ESRRG: variants seen among roughly 807,000 people sequenced by gnomAD.
ESRRG encodes the protein estrogen-related receptor gamma.
ESRRG carries 13 observed loss-of-function variants against 44.0 expected under a neutral mutation model. That is an observed-to-expected ratio of 0.30 (90% CI 0.19 to 0.47). The LOEUF is 0.47. Ranked by LOEUF, ESRRG falls within the 20% of genes least tolerant of loss-of-function variation. ESRRG has a pLI of 1.00. For missense variants in ESRRG, 395 were observed against 580.6 expected (o/e 0.68, Z 3.29); for synonymous variants, 215 against 214.6 (o/e 1.00, Z -0.02).
At chr1:217,130,627 T>C in intron 1 of ESRRG, among the ~76,000 whole-genome samples, 2 of 152,292 alleles carry the variant, frequency 1.3e-5, no homozygotes, top group Middle Eastern at 6.8e-3. Flanking sequence ...TTAATGAATA[T>C]GTGTAGGAGT....
chr1:216,859,098 A>G (rs1387030217), intron 2 of ESRRG, among the ~76,000 whole-genome samples: 2 of 152,224 alleles, frequency 1.3e-5, no homozygotes. Flanking sequence ...TAAAATAAGC[A>G]TAAAATAGGA....
intron 2 of ESRRG, among the ~76,000 whole-genome samples, chr1:216,731,049 T>C (rs1232032821): frequency 6.6e-6 from 1 of 152,238 alleles, no homozygotes; most frequent in Non-Finnish European, 1.5e-5. Context: ...TACCTAAAAC[T>C]GTGACCCTTC....
At chr1:216,615,160 A>G (rs2061244551) in intron 3 of ESRRG, among the ~76,000 whole-genome samples, 1 of 152,172 alleles carries the variant, frequency 6.6e-6, no homozygotes, top group Non-Finnish European at 1.5e-5. Context: ...ATTTCAGAAC[A>G]GGCATTGACT....
chr1:217,006,457 G>A (rs766721420), intron 1 of ESRRG, among the ~76,000 whole-genome samples: 1 of 152,076 alleles, frequency 6.6e-6, no homozygotes, highest in Non-Finnish European at 1.5e-5. Flanking sequence ...CACAGGCTGT[G>A]TGGAGCCAAC....
At chr1:217,135,867 C>G (rs1009354679) in intron 1 of ESRRG, among the ~76,000 whole-genome samples, 1 of 152,154 alleles carries the variant, frequency 6.6e-6, no homozygotes, top group Non-Finnish European at 1.5e-5. Flanking sequence ...ACTTTTTGAC[C>G]GAAGCAACTA....
chr1:216,762,614 G>A (rs995521509), intron 2 of ESRRG, among the ~76,000 whole-genome samples: 3 of 151,692 alleles, frequency 2.0e-5, no homozygotes, highest in African/African-American at 7.3e-5. Flanking sequence ...TAGATGAGGA[G>A]TTAGTGGGTG....
intron 1 of ESRRG, among the ~76,000 whole-genome samples, chr1:217,023,738 C>T (rs950009004): frequency 6.6e-6 from 1 of 152,186 alleles, no homozygotes; most frequent in East Asian, 1.9e-4. Context: ...CCACTCACTT[C>T]CCCACCCCGA....
At chr1:216,551,751 A>G (rs1048498893) in intron 5 of ESRRG, among the ~76,000 whole-genome samples, 3 of 152,194 alleles carry the variant, frequency 2.0e-5, no homozygotes, top group Admixed American at 6.5e-5. Flanking sequence ...AGATGCTTCT[A>G]TTTTGTGCAG....
chr1:216,547,247 A>ATGT (rs772557678), intron 5 of ESRRG, among the ~76,000 whole-genome samples: 2 of 132,048 alleles, frequency 1.5e-5, no homozygotes, highest in African/African-American at 5.5e-5. Context: ...GATGATGTTG[A>ATGT]TGTTGTTGAT....
chr1:216,974,439 G>A (rs1292992559), intron 1 of ESRRG, among the ~76,000 whole-genome samples: 1 of 151,920 alleles, frequency 6.6e-6, no homozygotes, highest in Non-Finnish European at 1.5e-5. Context: ...ACTCTTGCAG[G>A]TATTCATTTT....
At chr1:216,532,407 G>C (rs1389402045) in intron 5 of ESRRG, among the ~76,000 whole-genome samples, 1 of 152,166 alleles carries the variant, frequency 6.6e-6, no homozygotes, top group African/African-American at 2.4e-5. Context: ...TGCACAGATG[G>C]AGGGATATTA....
chr1:216,744,625 C>T (rs895182920), intron 2 of ESRRG, among the ~76,000 whole-genome samples: 2 of 152,172 alleles, frequency 1.3e-5, no homozygotes, highest in Non-Finnish European at 2.9e-5. Flanking sequence ...TTAAGAAATG[C>T]ACACACATAG....
At chr1:216,742,180 A>G (rs2090832788) in intron 2 of ESRRG, among the ~76,000 whole-genome samples, 1 of 152,186 alleles carries the variant, frequency 6.6e-6, no homozygotes, top group Admixed American at 6.5e-5. Flanking sequence ...TCTTATTTCC[A>G]GGATTTTTGC....
At chr1:217,008,768 G>A (rs1346814728) in intron 1 of ESRRG, among the ~76,000 whole-genome samples, 1 of 152,152 alleles carries the variant, frequency 6.6e-6, no homozygotes, top group Admixed American at 6.6e-5. Flanking sequence ...GTTTTGCACT[G>A]TGATTGAGTT....
intron 6 of ESRRG, among the ~76,000 whole-genome samples, chr1:216,508,218 T>G (rs565903151): frequency 6.6e-6 from 1 of 152,120 alleles, no homozygotes; most frequent in Non-Finnish European, 1.5e-5. Context: ...TAAAATCAAG[T>G]GGCTAAATAT....
intron 1 of ESRRG, among the ~76,000 whole-genome samples, chr1:217,003,588 TATTA>T (rs201394420): frequency 9.9e-5 from 12 of 120,896 alleles, no homozygotes; most frequent in African/African-American, 4.2e-4. Flanking sequence ...TAAGTATTAA[TATTA>T]ATTAATATTA....
At chr1:216,918,329 A>C (rs2061428772) in intron 2 of ESRRG, among the ~76,000 whole-genome samples, 1 of 152,104 alleles carries the variant, frequency 6.6e-6, no homozygotes, top group South Asian at 2.1e-4. Flanking sequence ...GAAAAGCAAT[A>C]TGTGCCCTGC....
At chr1:216,983,305 C>G (rs2074299379) in intron 1 of ESRRG, among the ~76,000 whole-genome samples, 1 of 151,752 alleles carries the variant, frequency 6.6e-6, no homozygotes, top group South Asian at 2.1e-4. Context: ...GATCTAGGCT[C>G]TCTGCAGCCT....
At chr1:216,923,845 T>A (rs529232073) in intron 2 of ESRRG, among the ~76,000 whole-genome samples, 28 of 152,280 alleles carry the variant, frequency 1.8e-4, no homozygotes, top group African/African-American at 6.7e-4. Context: ...GTGTCAGAAA[T>A]GGGAGCGTTC....
Sources: gnomAD v4.1 joint callset for allele counts (sites outside exome capture counted in the v4.1 genomes callset) on GRCh38, gnomAD v4.1.1 for gene constraint, MANE v1.5 for transcripts, NCBI Gene and HGNC (gene_info 2026-07-23, HGNC 2026-07-21) for gene names.